Variants in ERMN observed in about 807,000 individuals in gnomAD.
The protein encoded by ERMN is ermin, ERM-like protein.
In ERMN, 17 loss-of-function variants were observed where a neutral mutation model predicts 21.4. That is an observed-to-expected ratio of 0.80 (90% CI 0.54 to 1.19). The LOEUF is 1.19. ERMN is among the 50% of genes most tolerant of loss of function. The probability of loss-of-function intolerance (pLI) is 0.00; values close to 1 mark genes in which losing one functional copy is unlikely to be tolerated. For synonymous variants in ERMN, 115 were observed against 111.9 expected, an observed-to-expected ratio of 1.03 and a Z score of -0.17; for missense variants, 348 against 331.6, an observed-to-expected ratio of 1.05 and a Z score of -0.38.
At chr2:157,326,043 C>A (rs1684061307), upstream of ERMN, 1 of 670,300 alleles carries the variant, frequency 1.5e-6, no homozygotes, top group Non-Finnish European at 1.9e-6. Flanking sequence ...GATTTTTGTC[C>A]CTTTTCATAA....
At chr2:157,324,593 A>G in intron 2 of ERMN, 77 bp downstream of exon 2, 1 of 1,178,762 alleles carries the variant, frequency 8.5e-7, no homozygotes, top group Admixed American at 1.8e-5. Context: ...CCCCACGCTC[A>G]TGCAACATTT....
chr2:157,320,718 T>C lies in ERMN; in HGVS notation c.*553A>G, dbSNP rs188514405. On this transcript the variant is annotated 3_prime_UTR_variant, in exon 3 of 3. Transcript: ENST00000410096. ...ACACCTAGGAAGGAGGGCTATAGAA[T>C]GTTTTCTCTGTAGATGCCAAGGAAA... 2.0e-5 allele frequency: 3 copies of C among 153,186 alleles called. No individual in the cohort carries two copies. Among genetic ancestry groups the C allele is most frequent in the Non-Finnish European group, 2.9e-5 (2 of 68,688 alleles). 9.5% of individuals were successfully genotyped at this position (153,186 alleles called of 1,614,324 possible). A position where few individuals can be genotyped will look rare whatever the true frequency, so the allele number is the denominator to read the frequency against.
chr2:157,327,672 C>G (rs1295160772), upstream of ERMN: 26 of 571,326 alleles, frequency 4.6e-5, no homozygotes, highest in Non-Finnish European at 7.5e-5. Flanking sequence ...AGAGATCCCA[C>G]AGGGGTTCGG....
Position 157,325,754 on chromosome 2 carries a change from T to C in ERMN, c.-112A>G. 3.2e-6 allele frequency: 5 copies of C among 1,566,662 alleles called. No individual in the cohort carries two copies. Among genetic ancestry groups the C allele is most frequent in the Non-Finnish European group, 4.3e-6 (5 of 1,156,832 alleles). Reference sequence around the variant, plus strand: ...AGTCCTATAGTTCCAACTCCTACTCTAAGAGCACAAATTATTCACTTTAGT... The same window carrying C: ...AGTCCTATAGTTCCAACTCCTACTCCAAGAGCACAAATTATTCACTTTAGT... On this transcript the variant is annotated 5_prime_UTR_variant, in exon 1 of 3. Coordinates refer to ENST00000410096, the MANE Select transcript of ERMN (RefSeq NM_020711.3).
In ERMN at chr2:157,324,751, C is replaced by G. The variant is rs1265545880; in HGVS notation, c.253G>C (p.Glu85Gln). 1.8e-5 allele frequency: 29 copies of G among 1,606,170 alleles called. No individual in the cohort carries two copies. In the Admixed American group the frequency reaches 4.9e-4, roughly 27 times the overall value. ...GCCTTATGAACAATAAAGAGTTTCTCTTCTGGGTTTTCTAGGAAAAAAATA... is the reference window on the plus strand; with the variant it reads ...GCCTTATGAACAATAAAGAGTTTCTGTTCTGGGTTTTCTAGGAAAAAAATA... ...EDKMLKENPE[E>Q]KLFIVHKAIT... The change falls in exon 2 of 3, where the codon GAG becomes CAG. Residue 85 changes from glutamate (E) to glutamine (Q), a missense_variant. Transcript: ENST00000410096.
At position 157,319,217 on chromosome 2, in the gene ERMN, T is replaced by C. The variant is rs1683805702; in HGVS notation, c.*2054A>G. Reference sequence around the variant, plus strand: ...AAAAACATTGTGTCATCCATGAACATGAAGCATTTACCAACTAAACATACC... The same window carrying C: ...AAAAACATTGTGTCATCCATGAACACGAAGCATTTACCAACTAAACATACC... On this transcript the variant is annotated 3_prime_UTR_variant, in exon 3 of 3. Transcript: ENST00000410096. The C allele has an allele frequency of 6.6e-6, 1 of 152,198 alleles. No homozygotes were observed. The highest frequency in any genetic ancestry group is 1.5e-5 in the Non-Finnish European group (1 of 68,014). The allele number at this position is 152,198 out of a possible 1,614,324, so 9.4% of individuals were successfully genotyped here. A position where few individuals can be genotyped will look rare whatever the true frequency, so the allele number is the denominator to read the frequency against.
chr2:157,321,803 T>C lies in ERMN; in HGVS notation c.335-12A>G. On this transcript the variant is annotated splice_polypyrimidine_tract_variant and intron_variant, in intron 2 of 2. Coordinates refer to ENST00000410096, the MANE Select transcript of ERMN (RefSeq NM_020711.3). ...CTCCCACTGATGCCCTGTAGCAAAATCAATTGGTAGATGAGATGTGTAGAG... is the reference window on the plus strand; with the variant it reads ...CTCCCACTGATGCCCTGTAGCAAAACCAATTGGTAGATGAGATGTGTAGAG... 6.3e-7 allele frequency: 1 copy of C among 1,591,424 alleles called. No individual in the cohort carries two copies. The highest frequency in any genetic ancestry group is 8.5e-7 in the Non-Finnish European group (1 of 1,171,124).
At position 157,321,714 on chromosome 2, in the gene ERMN, G is replaced by A. The variant is rs1276323581; in HGVS notation, c.412C>T (p.Pro138Ser). Residue 138 changes from proline (P) to serine (S), a missense_variant, in exon 3 of 3, where the codon CCT (proline) becomes TCT (serine). Pro to Ser is a moderately conservative substitution (Grantham distance 74). Transcript: ENST00000410096. ...RRQKERITEQ[P>S]LKEEEDEDRK... ...TCCTCATCTTCTTCCTCTTTGAGAG[G>A]CTGCTCAGTAATCCTCTCCTTCTGT... 6.2e-7 allele frequency: 1 copy of A among 1,613,826 alleles called. No homozygotes were observed. The highest frequency in any genetic ancestry group is 2.2e-5 in the East Asian group (1 of 44,858).
rs1390519905 is a variant in ERMN, at chr2:157,318,898, C to T, written c.*2373G>A. The T allele has an allele frequency of 6.6e-6, 1 of 152,156 alleles. No homozygotes were observed. Among genetic ancestry groups the T allele is most frequent in the Non-Finnish European group, 1.5e-5 (1 of 68,018 alleles). 9.4% of individuals were successfully genotyped at this position (152,156 alleles called of 1,614,324 possible). ...TACCAGAGTCCTTACCACCCCTGAA[C>T]TTTGAATCACAAAAGCTCAAGTAAA... is the stretch of plus-strand genomic sequence containing the variant. On this transcript the variant is annotated 3_prime_UTR_variant, in exon 3 of 3. Transcript: ENST00000410096.
chr2:157,325,773 C>T lies in ERMN; in HGVS notation c.-131G>A. On this transcript the variant is annotated 5_prime_UTR_variant, in exon 1 of 3. In the 5' UTR this introduces an upstream ATG that the reference lacks. Transcript: ENST00000410096. ...CTACTCTAAGAGCACAAATTATTCA[C>T]TTTAGTACATAATAACAAGGTTCTT... 6.5e-7 allele frequency: 1 copy of T among 1,534,100 alleles called. No homozygotes were observed. The highest frequency in any genetic ancestry group is 2.3e-5 in the East Asian group (1 of 44,152).
intron 2 of ERMN, among the ~76,000 whole-genome samples, chr2:157,323,756 A>C (rs913179872): frequency 2.0e-5 from 3 of 152,196 alleles, no homozygotes; most frequent in African/African-American, 7.2e-5. Context: ...GAAAAATCTA[A>C]AGGATTTTGT....
At position 157,319,002 on chromosome 2, in the gene ERMN, A is replaced by G. The variant is rs1162358630; in HGVS notation, c.*2269T>C. 2.0e-5 allele frequency: 3 copies of G among 152,074 alleles called. No homozygotes were observed. The highest frequency in any genetic ancestry group is 4.4e-5 in the Non-Finnish European group (3 of 68,020). The allele number at this position is 152,074 out of a possible 1,614,324, so 9.4% of individuals were successfully genotyped here. ...AAATATGTTAAAAATCCCCCATGCA[A>G]TCTGAATCAGACCTTTGTCTTTCCT... On this transcript the variant is annotated 3_prime_UTR_variant, in exon 3 of 3. Coordinates refer to ENST00000410096, the MANE Select transcript of ERMN (RefSeq NM_020711.3).
Position 157,321,701 on chromosome 2 carries a change from T to C in ERMN, c.425A>G (p.Glu142Gly). The C allele has an allele frequency of 1.9e-6, 3 of 1,614,044 alleles. No homozygotes were observed. Among genetic ancestry groups the C allele is most frequent in the Non-Finnish European group, 2.5e-6 (3 of 1,179,980 alleles). The part of the protein sequence containing the change: ...ERITEQPLKE[E>G]EDEDRKNKGH... Reference sequence around the variant, plus strand: ...TTTGTTCTTCCTGTCCTCATCTTCTTCCTCTTTGAGAGGCTGCTCAGTAAT... The same window carrying C: ...TTTGTTCTTCCTGTCCTCATCTTCTCCCTCTTTGAGAGGCTGCTCAGTAAT... The change falls in exon 3 of 3, where the codon GAA becomes GGA. Residue 142 changes from glutamate to glycine, a missense_variant. By Grantham distance (98) the Glu-to-Gly change is moderately conservative (BLOSUM62 -2). Coordinates refer to ENST00000410096, the MANE Select transcript of ERMN (RefSeq NM_020711.3).
chr2:157,321,531 C>G lies in ERMN; in HGVS notation c.595G>C (p.Asp199His). 1 of 1,613,948 alleles carries G rather than the reference C, an allele frequency of 6.2e-7. No homozygotes were observed. The highest frequency in any genetic ancestry group is 8.5e-7 in the Non-Finnish European group (1 of 1,179,974). The change falls in exon 3 of 3, where the codon GAT (aspartate) becomes CAT (histidine). Residue 199 changes from aspartate to histidine, a missense_variant. Asp to His is a moderately conservative substitution (Grantham distance 81, BLOSUM62 -1). Coordinates refer to ENST00000410096, the MANE Select transcript of ERMN (RefSeq NM_020711.3). ...TTAAATTCTATCACTCGAACTTCATCTTCATCATTATTGCAATTATCATCA... is the reference window on the plus strand; with the variant it reads ...TTAAATTCTATCACTCGAACTTCATGTTCATCATTATTGCAATTATCATCA... ...DDDDNCNNDEDEVRVIEFKKK... is the reference protein window; with the variant it reads ...DDDDNCNNDEHEVRVIEFKKK...
In ERMN at chr2:157,321,120, G is replaced by A; in HGVS notation, c.*151C>T. 3.4e-6 allele frequency: 4 copies of A among 1,178,608 alleles called. No individual in the cohort carries two copies. Among genetic ancestry groups the A allele is most frequent in the Non-Finnish European group, 4.6e-6 (4 of 861,192 alleles). 73.0% of individuals were successfully genotyped at this position (1,178,608 alleles called of 1,614,324 possible). A position where few individuals can be genotyped will look rare whatever the true frequency, so the allele number is the denominator to read the frequency against. ...TTATCAGACTGAATTTTTATCTAGG[G>A]TTATTTCCACATTATTCTACAGTGA... On this transcript the variant is annotated 3_prime_UTR_variant, in exon 3 of 3. Transcript: ENST00000410096.
chr2:157,325,529 G>C lies in ERMN; in HGVS notation c.114C>G (p.Ser38Arg). 1 of 1,614,166 alleles carries C rather than the reference G, an allele frequency of 6.2e-7. No homozygotes were observed. Among genetic ancestry groups the C allele is most frequent in the Non-Finnish European group, 8.5e-7 (1 of 1,180,024 alleles). Residue 38 changes from serine (S) to arginine (R), a missense_variant, in exon 1 of 3, where the codon AGC becomes AGG. Physicochemically the swap from Ser to Arg is moderately radical, Grantham distance 110. Transcript: ENST00000410096. ...KISEELTDVDSPLPHYRVEPS... is the reference protein window; with the variant it reads ...KISEELTDVDRPLPHYRVEPS... Reference sequence around the variant, plus strand: ...GTTCTACCCTGTAGTGTGGCAGGGGGCTGTCCACATCAGTCAATTCCTCAC... The same window carrying C: ...GTTCTACCCTGTAGTGTGGCAGGGGCCTGTCCACATCAGTCAATTCCTCAC...
At chr2:157,324,863 T>G in intron 1 of ERMN, 101 bp from the exon 2 acceptor site, 1 of 725,634 alleles carries the variant, frequency 1.4e-6, no homozygotes, top group South Asian at 2.1e-5. Context: ...GTCTTTAATT[T>G]TAAATCTGAT....
At position 157,321,599 on chromosome 2, in the gene ERMN, T is replaced by A; in HGVS notation, c.527A>T (p.Asp176Val). Residue 176 changes from aspartate (D) to valine (V), a missense_variant, in exon 3 of 3, where the codon GAT becomes GTT. Transcript: ENST00000410096. Reference protein sequence around the residue: ...SQADMLHSKHDEEQKVWDEEI... With the variant: ...SQADMLHSKHVEEQKVWDEEI... ...TTCATCCCAAACCTTCTGCTCCTCA[T>A]CATGTTTAGAATGTAACATGTCAGC... is the stretch of plus-strand genomic sequence containing the variant. 1 of 1,614,094 alleles carries A rather than the reference T, an allele frequency of 6.2e-7. No homozygotes were observed. Among genetic ancestry groups the A allele is most frequent in the South Asian group, 1.1e-5 (1 of 91,080 alleles).
Position 157,325,818 on chromosome 2 carries a change from A to G in ERMN, c.-176T>C. ...GTTCTTTTCCTAAAAGTATCCAGAC[A>G]GAGATTAGAGCAAAAGCAAGAGGAT... On this transcript the variant is annotated 5_prime_UTR_variant, in exon 1 of 3. Coordinates refer to ENST00000410096, the MANE Select transcript of ERMN (RefSeq NM_020711.3). 4.1e-6 allele frequency: 6 copies of G among 1,456,688 alleles called. No homozygotes were observed. The highest frequency in any genetic ancestry group is 4.5e-6 in the Non-Finnish European group (5 of 1,108,554). The allele number at this position is 1,456,688 out of a possible 1,614,324, so 90.2% of individuals were successfully genotyped here.
Sources: gnomAD v4.1 joint callset for allele counts (sites outside exome capture counted in the v4.1 genomes callset) on GRCh38, gnomAD v4.1.1 for gene constraint, MANE v1.5 for transcripts, NCBI Gene and HGNC (gene_info 2026-07-23, HGNC 2026-07-21) for gene names.